The following PCDH11X variants were observed in gnomAD, a reference collection of about 807,000 sequenced individuals.
The protein encoded by PCDH11X is protocadherin-11 X-linked.
PCDH11X carries 18 observed loss-of-function variants against 53.3 expected under a neutral mutation model. That is an observed-to-expected ratio of 0.34 (90% CI 0.23 to 0.50). The LOEUF (loss-of-function observed/expected upper bound fraction) is 0.50, where lower values mean the gene tolerates loss of function less well. Among genes scored for constraint, PCDH11X ranks in the 20% least tolerant of loss-of-function variants. The pLI is 0.98. For synonymous variants in PCDH11X, 279 were observed against 393.3 expected (o/e 0.71, Z 3.44); for missense variants, 570 against 1,032.4 (o/e 0.55, Z 6.14).
At chrX:92,057,184 A>G (rs3853034) in intron 6 of PCDH11X, among the ~76,000 whole-genome samples, 6,891 of 99,087 alleles carry the variant, frequency 0.07, 433 homozygotes, top group East Asian at 0.42. Context: ...TGGGGATTAT[A>G]TGGGTATATT....
intron 9 of PCDH11X, chrX:92,460,583 G>T (rs1303210143): frequency 5.1e-6 from 4 of 777,631 alleles, no homozygotes; most frequent in Non-Finnish European, 7.7e-6. Context: ...CTTGGAGATC[G>T]ACCTGGACTC....
intron 7 of PCDH11X, among the ~76,000 whole-genome samples, chrX:92,229,691 A>C (rs1263151471): frequency 9.0e-6 from 1 of 111,687 alleles, no homozygotes; most frequent in Non-Finnish European, 1.9e-5. Context: ...TTATATTGTC[A>C]TTAGGCATTC....
At chrX:92,157,096 A>G (rs1192380832) in intron 6 of PCDH11X, among the ~76,000 whole-genome samples, 1 of 112,066 alleles carries the variant, frequency 8.9e-6, no homozygotes, top group Non-Finnish European at 1.9e-5. Flanking sequence ...TCAGAAGACC[A>G]TTAGAGCACA....
intron 1 of PCDH11X, among the ~76,000 whole-genome samples, chrX:91,782,849 A>G (rs1374454437): frequency 2.7e-5 from 3 of 111,499 alleles, no homozygotes; most frequent in Non-Finnish European, 5.7e-5. Context: ...TGCTTTGCCA[A>G]ATTTGAGGCT....
intron 1 of PCDH11X, among the ~76,000 whole-genome samples, chrX:91,800,169 T>C (rs1485172027): frequency 9.0e-6 from 1 of 110,646 alleles, no homozygotes; most frequent in Non-Finnish European, 1.9e-5. Flanking sequence ...ACTCTCTTTT[T>C]TCCTTCTTCC....
chrX:92,190,906 G>A (rs1374110441), intron 6 of PCDH11X, among the ~76,000 whole-genome samples: 1 of 111,261 alleles, frequency 9.0e-6, no homozygotes, highest in Non-Finnish European at 1.9e-5. Flanking sequence ...AGTCTAAAGA[G>A]GACCTGATCG....
intron 6 of PCDH11X, among the ~76,000 whole-genome samples, chrX:92,200,956 G>C (rs768679926): frequency 4.6e-5 from 5 of 108,403 alleles, no homozygotes; most frequent in Non-Finnish European, 9.5e-5. Context: ...CTGCTGCCCA[G>C]GTTAAAGTGC....
intron 6 of PCDH11X, among the ~76,000 whole-genome samples, chrX:91,962,627 C>A (rs941120147): frequency 1.8e-5 from 2 of 111,471 alleles, no homozygotes; most frequent in African/African-American, 6.5e-5. Flanking sequence ...GTTCTCACAG[C>A]TCCAGTAGGC....
rs188924231 is a variant in PCDH11X, at chrX:92,552,007, T to C, written c.3368-66257T>C. Among the ~76,000 whole-genome samples, 597 of 89,183 alleles carry C rather than the reference T, an allele frequency of 6.7e-3. 5 individuals carry two copies. Among genetic ancestry groups the C allele is most frequent in the South Asian group, 0.063 (113 of 1,789 alleles). 77.4% of individuals were successfully genotyped at this position (89,183 alleles called of 115,157 possible). ...TCCTCTGGTTTTTTTTTTTTTTTTT[T>C]CTCAGGATAGCTTTGATAATTTGGG... On this transcript the variant is annotated intron_variant, in intron 10 of 10. Transcript: ENST00000682573.
At chrX:92,263,650 C>A (rs1012313094) in intron 8 of PCDH11X, among the ~76,000 whole-genome samples, 1 of 111,595 alleles carries the variant, frequency 9.0e-6, no homozygotes, top group Admixed American at 9.5e-5. Context: ...ATTTTAAGTT[C>A]TGCTCAAGTA....
chrX:92,143,734 C>T (rs1258353045), intron 6 of PCDH11X, among the ~76,000 whole-genome samples: 3 of 112,498 alleles, frequency 2.7e-5, no homozygotes, highest in Non-Finnish European at 5.6e-5. Flanking sequence ...CACAGAATCC[C>T]TACCAGGGCA....
chrX:92,551,299 T>A (rs746827555), intron 10 of PCDH11X, among the ~76,000 whole-genome samples: 2 of 111,476 alleles, frequency 1.8e-5, no homozygotes, highest in East Asian at 5.6e-4. Context: ...TGAGAGGATA[T>A]CTCATTGTAG....
intron 9 of PCDH11X, 71 bp downstream of exon 9, chrX:92,388,004 A>G (rs1214344809): frequency 1.3e-5 from 15 of 1,185,768 alleles, no homozygotes; most frequent in Non-Finnish European, 1.7e-5. Context: ...TATCATAGCC[A>G]TAATAACATG....
chrX:92,091,514 C>T (rs12846703), intron 6 of PCDH11X, among the ~76,000 whole-genome samples: 1 of 111,457 alleles, frequency 9.0e-6, no homozygotes, highest in Non-Finnish European at 1.9e-5. Flanking sequence ...GCTCTCAGGA[C>T]GTCCTGAGAA....
At chrX:92,436,885 C>T (rs1432066155) in intron 9 of PCDH11X, among the ~76,000 whole-genome samples, 4 of 105,735 alleles carry the variant, frequency 3.8e-5, no homozygotes, top group Non-Finnish European at 7.8e-5. Context: ...AGTACCTGGG[C>T]GACAAAATAA....
At chrX:92,588,655 A>G (rs1318210617) in intron 10 of PCDH11X, among the ~76,000 whole-genome samples, 2 of 109,777 alleles carry the variant, frequency 1.8e-5, no homozygotes, top group Non-Finnish European at 3.8e-5. Flanking sequence ...ACACGCCTAC[A>G]GGATTTAGAA....
intron 6 of PCDH11X, among the ~76,000 whole-genome samples, chrX:91,888,687 A>G (rs1312854466): frequency 9.0e-6 from 1 of 111,463 alleles, no homozygotes; most frequent in Non-Finnish European, 1.9e-5. Flanking sequence ...ATAAATAAAT[A>G]AAAACATTTT....
chrX:92,375,784 C>T (rs1366446015), intron 8 of PCDH11X, among the ~76,000 whole-genome samples: 77 of 107,829 alleles, frequency 7.1e-4, no homozygotes, highest in African/African-American at 1.9e-3. Context: ...CCACCACGCC[C>T]GGCTAATTTT....
At chrX:92,344,415 C>T (rs1170582217) in intron 8 of PCDH11X, among the ~76,000 whole-genome samples, 1 of 101,573 alleles carries the variant, frequency 9.8e-6, no homozygotes, top group Non-Finnish European at 2.0e-5. Flanking sequence ...GATAGAGAAG[C>T]ATAATCTGTA....
Sources: gnomAD v4.1 joint callset for allele counts (sites outside exome capture counted in the v4.1 genomes callset) on GRCh38, gnomAD v4.1.1 for gene constraint, MANE v1.5 for transcripts, NCBI Gene and HGNC (gene_info 2026-07-23, HGNC 2026-07-21) for gene names.